LNPEP: variants seen among roughly 807,000 people sequenced by gnomAD.
LNPEP encodes leucyl and cystinyl aminopeptidase.
LNPEP carries 64 observed loss-of-function variants against 120.6 expected under a neutral mutation model. The observed-to-expected ratio is 0.53, with a 90% confidence interval of 0.43 to 0.65. The LOEUF (loss-of-function observed/expected upper bound fraction) is 0.65, where lower values mean the gene tolerates loss of function less well. Ranked by LOEUF, LNPEP falls within the 30% of genes least tolerant of loss-of-function variation. The pLI, the probability that LNPEP is intolerant of heterozygous loss-of-function variation, is 0.00. For synonymous variants in LNPEP, 435 were observed against 425.4 expected (o/e 1.02, Z -0.28); for missense variants, 1,057 against 1,200.0 (o/e 0.88, Z 1.76).
In LNPEP at chr5:96,947,411, CTT is replaced by C. The variant is rs201785792; in HGVS notation, c.19+11240_19+11241del. On this transcript the variant is annotated intron_variant, in intron 1 of 17. Transcript: ENST00000231368. ...TTCCCTCAACAGGGTTATTGGCTGT[CTT>C]TTAAGTGACTAAAAGAGCGTATCTT... Among the ~76,000 whole-genome samples the C allele has an allele frequency of 3.1e-3, 468 of 152,208 alleles. 6 individuals carry two copies. Among genetic ancestry groups the C allele is most frequent in the Admixed American group, 0.022 (333 of 15,280 alleles).
chr5:96,973,282 T>A (rs1789911758), intron 1 of LNPEP, among the ~76,000 whole-genome samples: 1 of 152,056 alleles, frequency 6.6e-6, no homozygotes, highest in Non-Finnish European at 1.5e-5. Context: ...CAGAAAAAAA[T>A]CACCTTTTTT....
At chr5:96,991,283 A>G (rs1459429049) in intron 4 of LNPEP, among the ~76,000 whole-genome samples, 2 of 152,140 alleles carry the variant, frequency 1.3e-5, no homozygotes, top group African/African-American at 4.8e-5. Context: ...TGGTATGTAT[A>G]TATATCACAA....
In LNPEP at chr5:96,986,637, G is replaced by A; in HGVS notation, c.1098G>A (p.Met366Ile). ...TGGTTGCTTTCATTGTGGGAGAGATGAAGAACCTGAGTCAGGACGTAAATG... is the reference window on the plus strand; with the variant it reads ...TGGTTGCTTTCATTGTGGGAGAGATAAAGAACCTGAGTCAGGACGTAAATG... ...TYLVAFIVGEMKNLSQDVNGT... is the reference protein window; with the variant it reads ...TYLVAFIVGEIKNLSQDVNGT... The change falls in exon 4 of 18, where the codon ATG becomes ATA. Residue 366 changes from methionine (M) to isoleucine (I), a missense_variant. Transcript: ENST00000231368. 6.2e-7 allele frequency: 1 copy of A among 1,613,652 alleles called. No individual in the cohort carries two copies. Among genetic ancestry groups the A allele is most frequent in the Non-Finnish European group, 8.5e-7 (1 of 1,179,676 alleles).
chr5:96,949,219 T>C (rs1228499780), intron 1 of LNPEP, among the ~76,000 whole-genome samples: 2 of 152,224 alleles, frequency 1.3e-5, no homozygotes, highest in Non-Finnish European at 2.9e-5. Context: ...GCCTAAAGCA[T>C]GGGTCCCCAA....
intron 11 of LNPEP, among the ~76,000 whole-genome samples, chr5:97,009,365 T>TC (rs11414909): frequency 0.62 from 94,852 of 151,876 alleles, 29,787 homozygotes; most frequent in Middle Eastern, 0.73. Flanking sequence ...ATTAGGTATT[T>TC]CCCCCATTGA....
intron 1 of LNPEP, among the ~76,000 whole-genome samples, chr5:96,950,199 T>G (rs1789290248): frequency 6.6e-6 from 1 of 152,124 alleles, no homozygotes; most frequent in Non-Finnish European, 1.5e-5. Context: ...CTGAAGCATT[T>G]TCAAAATCAA....
At chr5:96,969,021 A>AC (rs1789796566) in intron 1 of LNPEP, among the ~76,000 whole-genome samples, 1 of 152,124 alleles carries the variant, frequency 6.6e-6, no homozygotes, top group Non-Finnish European at 1.5e-5. Flanking sequence ...TGTGACCTGA[A>AC]CAACTGCAGA....
At chr5:96,975,362 A>AT (rs1789966214) in intron 1 of LNPEP, among the ~76,000 whole-genome samples, 1 of 152,170 alleles carries the variant, frequency 6.6e-6, no homozygotes, top group Non-Finnish European at 1.5e-5. Flanking sequence ...CAGTTATACA[A>AT]GTTGGAATGT....
Position 96,949,129 on chromosome 5 carries a change from C to T in LNPEP, c.19+12955C>T, listed in dbSNP as rs559903659. ...TTGGATCCTAATTCTTTACTAAGGG[C>T]TTGAGGCCATTATAGGAGGATTCTT... On this transcript the variant is annotated intron_variant, in intron 1 of 17. Coordinates refer to ENST00000231368, the MANE Select transcript of LNPEP (RefSeq NM_005575.3). Among the ~76,000 whole-genome samples, 21 of 152,312 alleles carry T rather than the reference C, an allele frequency of 1.4e-4. No individual in the cohort carries two copies. The South Asian group carries it at 4.3e-3, about 32-fold the overall frequency.
At chr5:96,997,673 TA>T (rs574804298) in intron 7 of LNPEP, among the ~76,000 whole-genome samples, 1 of 152,080 alleles carries the variant, frequency 6.6e-6, no homozygotes, top group Non-Finnish European at 1.5e-5. Context: ...AAGTTTCATT[TA>T]AAAAAATATA....
intron 4 of LNPEP, among the ~76,000 whole-genome samples, chr5:96,990,670 G>A (rs1037201989): frequency 2.6e-5 from 4 of 152,110 alleles, no homozygotes; most frequent in Admixed American, 6.6e-5. Context: ...TATGGATAAG[G>A]AAAGTAAGGT....
intron 1 of LNPEP, among the ~76,000 whole-genome samples, chr5:96,971,454 T>A (rs1820149): frequency 0.46 from 69,005 of 151,202 alleles, 15,839 homozygotes; most frequent in Non-Finnish European, 0.49. Context: ...AACTTAATAA[T>A]ATTTTAACTA....
At chr5:96,953,152 C>T (rs1789364982) in intron 1 of LNPEP, among the ~76,000 whole-genome samples, 2 of 119,062 alleles carry the variant, frequency 1.7e-5, no homozygotes, top group Admixed American at 1.6e-4. Flanking sequence ...GATGGTTAAT[C>T]TATTGGCTTG....
chr5:96,996,793 A>G (rs901359678), intron 7 of LNPEP, among the ~76,000 whole-genome samples: 3 of 152,046 alleles, frequency 2.0e-5, no homozygotes, highest in Non-Finnish European at 2.9e-5. Flanking sequence ...TTAAACAGCT[A>G]TAGTTCTTCT....
intron 11 of LNPEP, 107 bp downstream of exon 11, chr5:97,006,622 T>C: frequency 1.5e-6 from 1 of 676,472 alleles, no homozygotes; most frequent in Non-Finnish European, 2.6e-6. Flanking sequence ...TCTGAACTGG[T>C]TTTATGAGTT....
intron 1 of LNPEP, among the ~76,000 whole-genome samples, chr5:96,939,515 A>G (rs1789002919): frequency 6.6e-6 from 1 of 152,062 alleles, no homozygotes; most frequent in African/African-American, 2.4e-5. Context: ...CTGAAAGTAT[A>G]TATACTTTCT....
rs1789417391 is a variant in LNPEP, at chr5:96,954,770, A to ATTTTTTTTTTTTTTTT, written c.19+18597_19+18598insTTTTTTTTTTTTTTTT. ...TACACATATATATATATATATATATATATTTTTTTTTTTTTTTTTTTTTTT... is the reference window on the plus strand; with the variant it reads ...TACACATATATATATATATATATATATTTTTTTTTTTTTTTTTATTTTTTTTTTTTTTTTTTTTTTT... On this transcript the variant is annotated intron_variant, in intron 1 of 17. Transcript: ENST00000231368. Among the ~76,000 whole-genome samples, 3 of 29,490 alleles carry ATTTTTTTTTTTTTTTT rather than the reference A, an allele frequency of 1.0e-4. 1 individual carries two copies. The highest frequency in any genetic ancestry group is 2.1e-4 in the Non-Finnish European group (3 of 14,346). 19.3% of individuals were successfully genotyped at this position (29,490 alleles called of 152,430 possible). A position where few individuals can be genotyped will look rare whatever the true frequency, so the allele number is the denominator to read the frequency against.
intron 6 of LNPEP, among the ~76,000 whole-genome samples, chr5:96,994,678 G>A (rs896554525): frequency 2.0e-5 from 3 of 152,150 alleles, no homozygotes; most frequent in African/African-American, 7.2e-5. Context: ...TGGTTTGGGT[G>A]ATGTCATGAC....
chr5:97,028,076 A>G (rs1239293070), intron 17 of LNPEP, among the ~76,000 whole-genome samples: 1 of 152,212 alleles, frequency 6.6e-6, no homozygotes, highest in Non-Finnish European at 1.5e-5. Flanking sequence ...GTTTGGAAGA[A>G]TTGCATTCTT....
Sources: allele counts gnomAD v4.1 joint callset (sites outside exome capture counted in the v4.1 genomes callset), GRCh38; gene constraint gnomAD v4.1.1; transcripts MANE v1.5; gene names NCBI Gene and HGNC (gene_info 2026-07-23, HGNC 2026-07-21).